The following IL17RC variants were observed in gnomAD, a reference collection of about 807,000 sequenced individuals.
IL17RC encodes interleukin-17 receptor C.
Under a neutral mutation model 86.7 loss-of-function variants are expected in IL17RC, and 53 were observed. The ratio of observed to expected loss-of-function variants is 0.61; its 90% CI spans 0.49 to 0.77. The LOEUF (loss-of-function observed/expected upper bound fraction) is 0.77, where lower values mean the gene tolerates loss of function less well. Among genes scored for constraint, IL17RC ranks in the 30% least tolerant of loss-of-function variants. IL17RC has a pLI of 0.00. For synonymous variants in IL17RC, 439 were observed against 413.1 expected (o/e 1.06, Z -0.76); for missense variants, 957 against 940.0 (o/e 1.02, Z -0.24).
At position 9,928,398 on chromosome 3, in the gene IL17RC, C is replaced by T; in HGVS notation, c.971C>T (p.Ala324Val). The T allele has an allele frequency of 6.2e-7, 1 of 1,604,820 alleles. No individual in the cohort carries two copies. Among genetic ancestry groups the T allele is most frequent in the Non-Finnish European group, 8.5e-7 (1 of 1,176,528 alleles). Reference protein sequence around the residue: ...WLLDAPCSLPAEAALCWRAPG... With the variant: ...WLLDAPCSLPVEAALCWRAPG... ...CTGGACGCACCGTGCTCGCTGCCCG[C>T]AGAAGCGGCACTGTGCTGGCGGGCT... Residue 324 changes from alanine (A) to valine (V), a missense_variant, in exon 11 of 19, where the codon GCA (alanine) becomes GTA (valine). Physicochemically the swap from Ala to Val is moderately conservative, Grantham distance 64 (BLOSUM62 0). Coordinates refer to ENST00000403601, the MANE Select transcript of IL17RC (RefSeq NM_153460.4).
rs1278788935 is a variant in IL17RC at position 9,918,420 on chromosome 3, C to T, written c.355+11C>T. The T allele has an allele frequency of 1.1e-5, 17 of 1,612,740 alleles. No individual in the cohort carries two copies. Among genetic ancestry groups the T allele is most frequent in the Non-Finnish European group, 1.4e-5 (16 of 1,179,138 alleles). The stretch of plus-strand genomic sequence containing the variant: ...AGGAGCCTAGGAATGGTGAGGAGAA[C>T]CTGGCTGGCCCAACTGCCCCATGCC... On this transcript the variant is annotated intron_variant, in intron 4 of 18. Transcript: ENST00000403601.
At chr3:9,926,394 CTTAT>C (rs1272128710) in intron 9 of IL17RC, among the ~76,000 whole-genome samples, 1 of 152,108 alleles carries the variant, frequency 6.6e-6, no homozygotes, top group African/African-American at 2.4e-5. Context: ...CACTTACTTT[CTTAT>C]TTGGGCATCT....
At chr3:9,917,573 G>T in intron 1 of IL17RC, 140 bp from the exon 2 acceptor site, 2 of 1,613,464 alleles carry the variant, frequency 1.2e-6, no homozygotes, top group Non-Finnish European at 1.7e-6. Flanking sequence ...AACGGGGAAG[G>T]GGCAAGAGCT....
At chr3:9,917,590 GTCTT>G in intron 1 of IL17RC, 119 bp from the exon 2 acceptor site, 1 of 1,614,190 alleles carries the variant, frequency 6.2e-7, no homozygotes, top group Non-Finnish European at 8.5e-7. Flanking sequence ...AGCTGGGTCT[GTCTT>G]TCTCTGGGAG....
At chr3:9,927,531 C>T (rs560291731) in intron 9 of IL17RC, among the ~76,000 whole-genome samples, 1 of 152,208 alleles carries the variant, frequency 6.6e-6, no homozygotes, top group African/African-American at 2.4e-5. Flanking sequence ...GCACTCCAGC[C>T]TGGGCAACAG....
chr3:9,929,549 G>A, intron 12 of IL17RC: 1 of 425,852 alleles, frequency 2.3e-6, no homozygotes, highest in Non-Finnish European at 4.3e-6. Flanking sequence ...GCAATTTTTA[G>A]CAGGGTGGTC....
At chr3:9,922,851 G>C (rs980947969) in intron 7 of IL17RC, among the ~76,000 whole-genome samples, 25 of 152,116 alleles carry the variant, frequency 1.6e-4, no homozygotes, top group African/African-American at 5.8e-4. Context: ...AAAGGGCCTG[G>C]GGTGGGAGTA....
At chr3:9,922,252 A>G (rs1053635398) in intron 7 of IL17RC, among the ~76,000 whole-genome samples, 2 of 152,052 alleles carry the variant, frequency 1.3e-5, no homozygotes, top group African/African-American at 4.8e-5. Flanking sequence ...CGTCCGGCCA[A>G]TTTGTTTTTA....
intron 9 of IL17RC, among the ~76,000 whole-genome samples, chr3:9,927,466 G>A (rs553465351): frequency 6.6e-6 from 1 of 152,160 alleles, no homozygotes. Context: ...GCTGAGGCAG[G>A]AGAATCACTT....
chr3:9,929,409 A>G (rs2084440750), intron 12 of IL17RC: 2 of 176,546 alleles, frequency 1.1e-5, no homozygotes, highest in Admixed American at 1.1e-4. Flanking sequence ...GATAGACCCT[A>G]ACATCTCTAC....
At chr3:9,921,664 G>C (rs1188247230) in intron 7 of IL17RC, among the ~76,000 whole-genome samples, 1 of 142,896 alleles carries the variant, frequency 7.0e-6, no homozygotes, top group Non-Finnish European at 1.5e-5. Flanking sequence ...TCGCTCTGTC[G>C]CTCAGGCTGG....
Position 9,930,959 on chromosome 3 carries a change from A to C in IL17RC, c.1387+16A>C. The C allele has an allele frequency of 6.2e-7, 1 of 1,610,454 alleles. No individual in the cohort carries two copies. Among genetic ancestry groups the C allele is most frequent in the Non-Finnish European group, 8.5e-7 (1 of 1,176,632 alleles). On this transcript the variant is annotated intron_variant, in intron 16 of 18. Coordinates refer to ENST00000403601, the MANE Select transcript of IL17RC (RefSeq NM_153460.4). The surrounding 1 kb of genome is among the most constrained non-coding windows in gnomAD (Gnocchi z 5.8). ...ATGGACAAATGTGAGTATTGTAAGAACTGCCTTTCCTTTCTGTACCAGGAG... is the reference window on the plus strand; with the variant it reads ...ATGGACAAATGTGAGTATTGTAAGACCTGCCTTTCCTTTCTGTACCAGGAG...
rs1397899477 is a variant in IL17RC at position 9,930,363 on chromosome 3, C to G, written c.1279-37C>G. 1 of 1,612,150 alleles carries G rather than the reference C, an allele frequency of 6.2e-7. No homozygotes were observed. ...GTAGGTGCTGCCCTAAGGGTGCTAC[C>G]TCCAGGTAACAGTGCCCCCATCCTT... On this transcript the variant is annotated intron_variant, in intron 14 of 18. Transcript: ENST00000403601. This position sits in a 1 kb window ranked among gnomAD's most constrained non-coding sequence, Gnocchi z 5.8.
At position 9,931,004 on chromosome 3, in the gene IL17RC, C is replaced by G. The variant is rs188873164; in HGVS notation, c.1387+61C>G. ...CAGGAGTGGGGATCTTGACAGGGAC[C>G]ACTCTTGGGCACAGCACATGCAATG... On this transcript the variant is annotated intron_variant, in intron 16 of 18. Coordinates refer to ENST00000403601, the MANE Select transcript of IL17RC (RefSeq NM_153460.4). The G allele has an allele frequency of 2.4e-3, 3,079 of 1,295,778 alleles. 17 individuals carry two copies. Among genetic ancestry groups the G allele is most frequent in the Non-Finnish European group, 1.9e-3 (1,724 of 889,296 alleles). 80.3% of individuals were successfully genotyped at this position (1,295,778 alleles called of 1,614,324 possible).
chr3:9,923,957 C>T lies in IL17RC; in HGVS notation c.699C>T (p.Phe233=), dbSNP rs775562199. The change falls in exon 8 of 19, where the codon TTC becomes TTT. Residue 233 remains phenylalanine, a synonymous_variant. Coordinates refer to ENST00000403601, the MANE Select transcript of IL17RC (RefSeq NM_153460.4). ...TGAATGTCTCTGAGGAGCAGCACTT[C>T]GGCCTCTCCCTGTACTGGAATCAGG... ...LVLNVSEEQH[F]GLSLYWNQVQ... 2.2e-5 allele frequency: 36 copies of T among 1,614,084 alleles called. No homozygotes were observed. The highest frequency in any genetic ancestry group is 1.3e-4 in the East Asian group (6 of 44,888).
At chr3:9,932,922 C>G in intron 18 of IL17RC, 31 bp from the exon 19 acceptor site, 6 of 1,610,080 alleles carry the variant, frequency 3.7e-6, no homozygotes, top group South Asian at 1.1e-5. Context: ...GCCAGCTCAC[C>G]TCTTCCCTCC....
At chr3:9,921,964 T>C (rs570764910) in intron 7 of IL17RC, among the ~76,000 whole-genome samples, 2 of 142,078 alleles carry the variant, frequency 1.4e-5, no homozygotes, top group East Asian at 4.0e-4. Flanking sequence ...TTTTTTTTTT[T>C]TTTTTTTTGG....
chr3:9,928,636 A>G lies in IL17RC; in HGVS notation c.1110+6A>G. 6.2e-7 allele frequency: 1 copy of G among 1,613,598 alleles called. No homozygotes were observed. ...ACCCTAACCTCTGTGTTCAGGTCAG[A>G]AAGGGGTGCATAGTGCTGGGCTGGA... On this transcript the variant is annotated splice_donor_region_variant and intron_variant, in intron 12 of 18. Coordinates refer to ENST00000403601, the MANE Select transcript of IL17RC (RefSeq NM_153460.4).
Position 9,930,943 on chromosome 3 carries a change from T to TGTGA in IL17RC, c.1387+3_1387+6dup. 2 of 1,613,254 alleles carry TGTGA rather than the reference T, an allele frequency of 1.2e-6. No homozygotes were observed. The highest frequency in any genetic ancestry group is 1.7e-6 in the Non-Finnish European group (2 of 1,179,226). ...GCTATGGGCCTGCCCCATGGACAAA[T>TGTGA]GTGAGTATTGTAAGAACTGCCTTTC... On this transcript the variant is annotated frameshift_variant and splice_region_variant. Transcript: ENST00000403601. LOFTEE classifies it high-confidence loss of function. This position sits in a 1 kb window ranked among gnomAD's most constrained non-coding sequence, Gnocchi z 5.8.
Sources: allele counts gnomAD v4.1 joint callset (sites outside exome capture counted in the v4.1 genomes callset), GRCh38; gene constraint gnomAD v4.1.1; non-coding constraint Gnocchi (gnomAD v3.1); transcripts MANE v1.5; gene names NCBI Gene and HGNC (gene_info 2026-07-23, HGNC 2026-07-21).